ATXN7L1: variants seen among roughly 807,000 people sequenced by gnomAD.
ATXN7L1 encodes the protein ataxin-7-like protein 1.
Under a neutral mutation model 70.8 loss-of-function variants are expected in ATXN7L1, and 15 were observed. The ratio of observed to expected loss-of-function variants is 0.21; its 90% CI spans 0.14 to 0.33. The LOEUF (loss-of-function observed/expected upper bound fraction) is 0.33. Ranked by LOEUF, ATXN7L1 falls within the 10% of genes least tolerant of loss-of-function variation. ATXN7L1 has a pLI of 1.00. For synonymous variants in ATXN7L1, 440 were observed against 445.1 expected (o/e 0.99, Z 0.14); for missense variants, 975 against 1,097.1 (o/e 0.89, Z 1.57).
intron 4 of ATXN7L1, among the ~76,000 whole-genome samples, chr7:105,653,627 T>C (rs1417524394): frequency 6.6e-6 from 1 of 152,204 alleles, no homozygotes; most frequent in Non-Finnish European, 1.5e-5. Flanking sequence ...TGGCTTGGCC[T>C]CTCTGTGTGT....
chr7:105,664,575 G>GTGTGTGTATGTGTGTATATATATA, intron 4 of ATXN7L1, among the ~76,000 whole-genome samples: 14 of 131,954 alleles, frequency 1.1e-4, no homozygotes, highest in African/African-American at 3.7e-4. Context: ...GTATGTGTGT[G>GTGTGTGTATGTGTGTATATATATA]TATATATATA....
chr7:105,608,697 A>G (rs773388476), intron 11 of ATXN7L1, among the ~76,000 whole-genome samples: 6 of 152,160 alleles, frequency 3.9e-5, no homozygotes, highest in Non-Finnish European at 7.3e-5. Context: ...TCTGGCACAA[A>G]AAGGACTCAA....
At chr7:105,615,905 G>T (rs753479599) in intron 9 of ATXN7L1, among the ~76,000 whole-genome samples, 2 of 152,140 alleles carry the variant, frequency 1.3e-5, no homozygotes, top group African/African-American at 4.8e-5. Context: ...TCTGATTTGC[G>T]CTGGGAGTGA....
intron 3 of ATXN7L1, among the ~76,000 whole-genome samples, chr7:105,776,960 G>T (rs1007966201): frequency 6.6e-6 from 1 of 152,064 alleles, no homozygotes; most frequent in Non-Finnish European, 1.5e-5. Context: ...AGTAGAGCTG[G>T]GGTTTTACCA....
At chr7:105,617,807 T>C (rs1794132423) in intron 9 of ATXN7L1, 1 of 386,116 alleles carries the variant, frequency 2.6e-6, no homozygotes, top group African/African-American at 2.1e-5. Flanking sequence ...TGAAAGAGAA[T>C]ACTGTGTTGG....
chr7:105,613,787 C>T (rs1793413410), intron 10 of ATXN7L1, 75 bp downstream of exon 10: 4 of 1,549,044 alleles, frequency 2.6e-6, no homozygotes, highest in East Asian at 2.4e-5. Context: ...TCGGAGCCGC[C>T]CGGCTAAGCA....
chr7:105,681,117 G>T (rs1004536475), intron 3 of ATXN7L1, among the ~76,000 whole-genome samples: 2 of 152,206 alleles, frequency 1.3e-5, no homozygotes, highest in African/African-American at 4.8e-5. Flanking sequence ...AAACAGGCAG[G>T]TTCAATCTAA....
At chr7:105,790,674 A>ACTATCTATCTATCTATCTATCTATCTAT (rs3036755) in intron 2 of ATXN7L1, among the ~76,000 whole-genome samples, 8 of 113,310 alleles carry the variant, frequency 7.1e-5, no homozygotes, top group East Asian at 5.2e-4. Flanking sequence ...CTATCTATCT[A>ACTATCTATCTATCTATCTATCTATCTAT]CTATCTATCT....
intron 3 of ATXN7L1, among the ~76,000 whole-genome samples, chr7:105,688,008 G>A (rs1479951928): frequency 6.6e-6 from 1 of 152,166 alleles, no homozygotes; most frequent in Non-Finnish European, 1.5e-5. Flanking sequence ...TCCAGGAACT[G>A]GACTGAAGAG....
chr7:105,729,188 C>A (rs1030446500), intron 3 of ATXN7L1, among the ~76,000 whole-genome samples: 2 of 151,980 alleles, frequency 1.3e-5, no homozygotes, highest in Non-Finnish European at 2.9e-5. Context: ...GGAGGTTCAC[C>A]TGAGGCCAGG....
At chr7:105,765,466 C>T (rs1801130837) in intron 3 of ATXN7L1, among the ~76,000 whole-genome samples, 2 of 152,210 alleles carry the variant, frequency 1.3e-5, no homozygotes, top group Admixed American at 1.3e-4. Flanking sequence ...CAAACACATA[C>T]AGTCTGCAGA....
chr7:105,614,901 G>A lies in ATXN7L1; in HGVS notation c.1518-85C>T, dbSNP rs2115742166. The A allele has an allele frequency of 1.4e-6, 2 of 1,443,354 alleles. No homozygotes were observed. Among genetic ancestry groups the A allele is most frequent in the East Asian group, 5.0e-5 (2 of 40,090 alleles). The allele number at this position is 1,443,354 out of a possible 1,614,324, so 89.4% of individuals were successfully genotyped here. A position where few individuals can be genotyped will look rare whatever the true frequency, so the allele number is the denominator to read the frequency against. ...AGGCTCGATGACGTTTGAGGATCAG[G>A]GCTACAGAGGACACCCCGGCAGAAC... On this transcript the variant is annotated intron_variant, in intron 9 of 11. Coordinates refer to ENST00000419735, the MANE Select transcript of ATXN7L1 (RefSeq NM_020725.2). The surrounding 1 kb of genome is among the most constrained non-coding windows in gnomAD (Gnocchi z 4.3).
At chr7:105,651,562 C>A (rs1358521931) in intron 4 of ATXN7L1, among the ~76,000 whole-genome samples, 1 of 152,226 alleles carries the variant, frequency 6.6e-6, no homozygotes, top group Non-Finnish European at 1.5e-5. Flanking sequence ...CAGCCTTCCA[C>A]ATTCATGCAG....
Position 105,772,162 on chromosome 7 carries a change from C to T in ATXN7L1, c.355+16442G>A, listed in dbSNP as rs183741177. Among the ~76,000 whole-genome samples, 156 of 150,228 alleles carry T rather than the reference C, an allele frequency of 1.0e-3. 1 individual carries two copies. In the East Asian group the frequency reaches 0.029, roughly 28 times the overall value. On this transcript the variant is annotated intron_variant, in intron 3 of 11. Coordinates refer to ENST00000419735, the MANE Select transcript of ATXN7L1 (RefSeq NM_020725.2). ...GATCTCGGCTTACTGCAACCTCTGC[C>T]TCCAGGGTTCAAGCGATTCTCCTGC... is the stretch of plus-strand genomic sequence containing the variant.
At position 105,608,866 on chromosome 7, in the gene ATXN7L1, C is replaced by A. The variant is rs559059175; in HGVS notation, c.2548-976G>T. On this transcript the variant is annotated intron_variant, in intron 11 of 11. Transcript: ENST00000419735. Reference sequence around the variant, plus strand: ...TGTCTACAAAACATGCGGTACATCTCAGGCAACATAACAACACGGTTATAT... The same window carrying A: ...TGTCTACAAAACATGCGGTACATCTAAGGCAACATAACAACACGGTTATAT... Among the ~76,000 whole-genome samples, 13 of 152,302 alleles carry A rather than the reference C, an allele frequency of 8.5e-5. No homozygotes were observed. The South Asian group carries it at 2.7e-3, about 32-fold the overall frequency.
intron 2 of ATXN7L1, among the ~76,000 whole-genome samples, chr7:105,850,738 A>T (rs1459994564): frequency 1.3e-5 from 2 of 152,132 alleles, no homozygotes; most frequent in Non-Finnish European, 2.9e-5. Flanking sequence ...TTGGAAAGTG[A>T]TCCTCACTTG....
rs372588213 is a variant in ATXN7L1, at chr7:105,731,847, T to A, written c.355+56757A>T. On this transcript the variant is annotated intron_variant, in intron 3 of 11. Coordinates refer to ENST00000419735, the MANE Select transcript of ATXN7L1 (RefSeq NM_020725.2). ...GTGGCTCAGGCCTGTAATTCCAGCA[T>A]TTTGGGAGCCTGAGGCAGGTGGATC... Among the ~76,000 whole-genome samples, 56 of 143,718 alleles carry A rather than the reference T, an allele frequency of 3.9e-4. 1 individual carries two copies. In the East Asian group the frequency reaches 0.011, roughly 28 times the overall value. The allele number at this position is 143,718 out of a possible 152,430, so 94.3% of individuals were successfully genotyped here.
At chr7:105,726,295 A>G (rs1795810507) in intron 3 of ATXN7L1, among the ~76,000 whole-genome samples, 1 of 152,216 alleles carries the variant, frequency 6.6e-6, no homozygotes, top group African/African-American at 2.4e-5. Flanking sequence ...TAATTCCAAG[A>G]GCACAAAGAA....
At chr7:105,732,571 C>T (rs746998805) in intron 3 of ATXN7L1, among the ~76,000 whole-genome samples, 2 of 152,156 alleles carry the variant, frequency 1.3e-5, no homozygotes, top group Non-Finnish European at 2.9e-5. Context: ...CCCAAGGCCC[C>T]TCCAGCACCC....
Sources: gnomAD v4.1 joint callset for allele counts (sites outside exome capture counted in the v4.1 genomes callset) on GRCh38, gnomAD v4.1.1 for gene constraint, Gnocchi (gnomAD v3.1) non-coding constraint, MANE v1.5 for transcripts, NCBI Gene and HGNC (gene_info 2026-07-23, HGNC 2026-07-21) for gene names.